The following LSAMP variants were observed in gnomAD, a reference collection of about 807,000 sequenced individuals.
LSAMP encodes limbic system associated membrane protein, also known as limbic system-associated membrane protein.
A neutral mutation model predicts 38.6 loss-of-function variants in LSAMP; 7 were observed. The ratio of observed to expected loss-of-function variants is 0.18; its 90% CI spans 0.10 to 0.34. The LOEUF is 0.34. Ranked by LOEUF, LSAMP falls within the 10% of genes least tolerant of loss-of-function variation. The pLI is 1.00. For synonymous variants in LSAMP, 154 were observed against 166.8 expected (o/e 0.92, Z 0.59); for missense variants, 313 against 420.0 (o/e 0.75, Z 2.23).
At chr3:116,028,644 G>A (rs1940848066) in intron 2 of LSAMP, among the ~76,000 whole-genome samples, 1 of 152,126 alleles carries the variant, frequency 6.6e-6, no homozygotes, top group Non-Finnish European at 1.5e-5. Flanking sequence ...GCAATAAGAG[G>A]TCTGACAAAT....
At chr3:115,954,013 T>C (rs1295317038) in intron 3 of LSAMP, among the ~76,000 whole-genome samples, 1 of 152,218 alleles carries the variant, frequency 6.6e-6, no homozygotes, top group Admixed American at 6.5e-5. Context: ...TCTTATAACA[T>C]CCTAGTAATT....
At chr3:116,229,378 G>A (rs1259509860) in intron 1 of LSAMP, among the ~76,000 whole-genome samples, 1 of 152,118 alleles carries the variant, frequency 6.6e-6, no homozygotes, top group Non-Finnish European at 1.5e-5. Context: ...GGCTAGAGAT[G>A]AATTTGCTAG....
chr3:115,988,208 A>G (rs543298372), intron 3 of LSAMP, among the ~76,000 whole-genome samples: 1 of 152,172 alleles, frequency 6.6e-6, no homozygotes, highest in Non-Finnish European at 1.5e-5. Flanking sequence ...AATTTTCATT[A>G]CAATGCTTCA....
chr3:115,886,710 AATAGGCT>A (rs1936463099), intron 3 of LSAMP, among the ~76,000 whole-genome samples: 2 of 151,996 alleles, frequency 1.3e-5, no homozygotes, highest in Non-Finnish European at 2.9e-5. Context: ...GAGCCAGCTC[AATAGGCT>A]AAAGCTGCAT....
chr3:115,935,591 TCTTAC>T (rs1184259328), intron 3 of LSAMP, among the ~76,000 whole-genome samples: 6 of 152,180 alleles, frequency 3.9e-5, no homozygotes, highest in Admixed American at 3.3e-4. Flanking sequence ...AAAAGTCTTA[TCTTAC>T]GAGAGTTGAT....
intron 6 of LSAMP, chr3:115,814,051 A>G (rs1683704044): frequency 2.0e-5 from 3 of 152,226 alleles, no homozygotes; most frequent in East Asian, 3.8e-4. Context: ...TGTGTTATAT[A>G]TGTGCACACC....
At chr3:116,003,415 G>A (rs760082807) in intron 3 of LSAMP, among the ~76,000 whole-genome samples, 1 of 152,062 alleles carries the variant, frequency 6.6e-6, no homozygotes, top group Non-Finnish European at 1.5e-5. Context: ...TGCAAGAGTT[G>A]GAGCTCCCCA....
Position 115,887,776 on chromosome 3 carries a change from T to C in LSAMP, c.515-35159A>G, listed in dbSNP as rs898912801. 2.6e-5 allele frequency among the ~76,000 whole-genome samples: 4 copies of C among 151,840 alleles called. No homozygotes were observed. The East Asian group carries it at 5.8e-4, about 22-fold the overall frequency. ...CAAGGAGCAGTGGGAAGAAAATAGG[T>C]AGAAATTTAGAGCAGGCGACCTTGG... On this transcript the variant is annotated intron_variant, in intron 3 of 6. Coordinates refer to ENST00000490035, the MANE Select transcript of LSAMP (RefSeq NM_002338.5).
At chr3:115,917,320 C>T (rs189370731) in intron 3 of LSAMP, among the ~76,000 whole-genome samples, 9 of 152,270 alleles carry the variant, frequency 5.9e-5, no homozygotes, top group East Asian at 5.8e-4. Context: ...TTGTTTATTA[C>T]GTACCTTTGC....
At chr3:116,038,488 C>A (rs1428108756) in intron 2 of LSAMP, among the ~76,000 whole-genome samples, 1 of 152,126 alleles carries the variant, frequency 6.6e-6, no homozygotes, top group Non-Finnish European at 1.5e-5. Flanking sequence ...TTACTTGAAT[C>A]TGTAACATCT....
intron 1 of LSAMP, among the ~76,000 whole-genome samples, chr3:116,154,677 C>T (rs1709699439): frequency 6.6e-6 from 1 of 152,186 alleles, no homozygotes. Flanking sequence ...CCCTTCTTCT[C>T]CAAGGCCTTC....
Position 116,003,469 on chromosome 3 carries a change from C to A in LSAMP, c.514+16046G>T, listed in dbSNP as rs369338477. Among the ~76,000 whole-genome samples, 6 of 152,140 alleles carry A rather than the reference C, an allele frequency of 3.9e-5. No individual in the cohort carries two copies. In the East Asian group the frequency reaches 1.2e-3, roughly 29 times the overall value. On this transcript the variant is annotated intron_variant, in intron 3 of 6. Coordinates refer to ENST00000490035, the MANE Select transcript of LSAMP (RefSeq NM_002338.5). ...TCATTTGGGTTTGTTCCACTCAAAT[C>A]TCATTATTCTCTAATCTTTTTATTC...
intron 1 of LSAMP, among the ~76,000 whole-genome samples, chr3:116,143,024 T>C (rs1040588178): frequency 6.7e-6 from 1 of 148,826 alleles, no homozygotes; most frequent in Non-Finnish European, 1.5e-5. Flanking sequence ...TATAAAAATA[T>C]ATTATCTATA....
At position 116,278,670 on chromosome 3, in the gene LSAMP, A is replaced by G. The variant is rs117657348; in HGVS notation, c.155+166207T>C. 2.4e-4 allele frequency among the ~76,000 whole-genome samples: 36 copies of G among 152,308 alleles called. No individual in the cohort carries two copies. In the East Asian group the frequency reaches 6.2e-3, roughly 26 times the overall value. On this transcript the variant is annotated intron_variant, in intron 1 of 6. Transcript: ENST00000490035. ...GGAACCCCTTTTGTGTCATGAAAAT[A>G]TCTAGTAAAGTTAGCTCTTTTGATG...
At chr3:116,122,160 T>C (rs1325090464) in intron 1 of LSAMP, among the ~76,000 whole-genome samples, 1 of 152,236 alleles carries the variant, frequency 6.6e-6, no homozygotes, top group East Asian at 1.9e-4. Context: ...TTGCAATAAA[T>C]GGAATTCTAT....
intron 1 of LSAMP, among the ~76,000 whole-genome samples, chr3:116,345,927 C>T (rs1006950605): frequency 7.2e-5 from 11 of 152,066 alleles, no homozygotes; most frequent in Admixed American, 2.6e-4. Flanking sequence ...AGACTGCTTC[C>T]GACTAGTGTT....
At chr3:116,121,696 T>C (rs1019345418) in intron 1 of LSAMP, among the ~76,000 whole-genome samples, 2 of 152,088 alleles carry the variant, frequency 1.3e-5, no homozygotes, top group African/African-American at 2.4e-5. Flanking sequence ...GGAGCACAGA[T>C]AGATAAAGGA....
intron 1 of LSAMP, among the ~76,000 whole-genome samples, chr3:116,250,808 G>A (rs546252694): frequency 6.6e-6 from 1 of 152,300 alleles, no homozygotes; most frequent in South Asian, 2.1e-4. Flanking sequence ...GGTGGAGGCT[G>A]CAGTAAGCAG....
At chr3:116,407,573 T>C (rs1304676721) in intron 1 of LSAMP, among the ~76,000 whole-genome samples, 1 of 152,060 alleles carries the variant, frequency 6.6e-6, no homozygotes, top group Non-Finnish European at 1.5e-5. Flanking sequence ...CCTGAGGATG[T>C]GCATAAAAGC....
Sources: gnomAD v4.1 joint callset for allele counts (sites outside exome capture counted in the v4.1 genomes callset) on GRCh38, gnomAD v4.1.1 for gene constraint, MANE v1.5 for transcripts, NCBI Gene and HGNC (gene_info 2026-07-23, HGNC 2026-07-21) for gene names.